CDC14B: variants seen among roughly 807,000 people sequenced by gnomAD.
CDC14B encodes the protein dual specificity protein phosphatase CDC14B.
CDC14B carries 22 observed loss-of-function variants against 64.2 expected under a neutral mutation model. That is an observed-to-expected ratio of 0.34 (90% CI 0.24 to 0.49). CDC14B has a LOEUF of 0.49. Among genes scored for constraint, CDC14B ranks in the 20% least tolerant of loss-of-function variants. CDC14B has a pLI of 0.99. For missense variants in CDC14B, 498 were observed against 629.9 expected (o/e 0.79, Z 2.24); for synonymous variants, 191 against 215.8 (o/e 0.89, Z 1.01).
intron 12 of CDC14B, among the ~76,000 whole-genome samples, chr9:96,520,525 G>A (rs747010360): frequency 2.0e-5 from 3 of 152,028 alleles, no homozygotes; most frequent in Admixed American, 6.6e-5. Flanking sequence ...TTGAACTCAC[G>A]TTAATGAGAG....
chr9:96,496,832 T>G (rs1472357267), downstream of CDC14B, among the ~76,000 whole-genome samples: 2 of 152,196 alleles, frequency 1.3e-5, no homozygotes, highest in East Asian at 3.9e-4. Flanking sequence ...GCGGCTTCTC[T>G]GTCCTGTGTA....
intron 5 of CDC14B, among the ~76,000 whole-genome samples, chr9:96,549,554 A>G (rs2132018762): frequency 6.6e-6 from 1 of 152,072 alleles, no homozygotes; most frequent in African/African-American, 2.4e-5. Flanking sequence ...AGTCCTAGCT[A>G]CTCGGGAGGC....
In CDC14B at chr9:96,508,825, G is replaced by A. The variant is rs1834531721; in HGVS notation, c.1460+848C>T. On this transcript the variant is annotated intron_variant, in intron 13 of 13. Transcript: ENST00000375241. The stretch of plus-strand genomic sequence containing the variant: ...CACTGATAAGGCCCCTAGGCCCAAA[G>A]CCTCGGATATACATGGCAGGGAAGC... Among the ~76,000 whole-genome samples the A allele has an allele frequency of 2.0e-5, 3 of 152,218 alleles. No homozygotes were observed. In the South Asian group the frequency reaches 6.2e-4, roughly 31 times the overall value.
At position 96,501,113 on chromosome 9, in the gene CDC14B, C is replaced by T. The variant is rs1374746974; in HGVS notation, c.*2640G>A. 1 of 152,278 alleles carries T rather than the reference C, an allele frequency of 6.6e-6. No individual in the cohort carries two copies. The highest frequency in any genetic ancestry group is 1.5e-5 in the Non-Finnish European group (1 of 68,090). 9.4% of individuals were successfully genotyped at this position (152,278 alleles called of 1,614,324 possible). On this transcript the variant is annotated 3_prime_UTR_variant, in exon 14 of 14. Transcript: ENST00000375241. ...TGGCCACGCCAGGCCATTCTGCTCT[C>T]ACGAGGCGCTGCTCCTCACCAAATT...
intron 4 of CDC14B, 50 bp downstream of exon 4, chr9:96,562,643 A>G (rs1482488490): frequency 8.7e-7 from 1 of 1,145,542 alleles, no homozygotes. Context: ...AATGTAAAGA[A>G]CCACTGTTGT....
intron 12 of CDC14B, among the ~76,000 whole-genome samples, chr9:96,518,149 TA>T (rs1337503817): frequency 6.6e-6 from 1 of 152,240 alleles, no homozygotes; most frequent in Non-Finnish European, 1.5e-5. Flanking sequence ...AGAGTACTGC[TA>T]ATCAATTTGG....
chr9:96,501,282 C>T lies in CDC14B; in HGVS notation c.*2471G>A, dbSNP rs2131218335. On this transcript the variant is annotated 3_prime_UTR_variant, in exon 14 of 14. Transcript: ENST00000375241. ...AAATATTCACTTCCAATTTTAATTC[C>T]ATCGCAAACCGTCCCAGTGTACTTT... 1 of 152,340 alleles carries T rather than the reference C, an allele frequency of 6.6e-6. No individual in the cohort carries two copies. Among genetic ancestry groups the T allele is most frequent in the African/African-American group, 2.4e-5 (1 of 41,574 alleles). 9.4% of individuals were successfully genotyped at this position (152,340 alleles called of 1,614,324 possible).
intron 1 of CDC14B, among the ~76,000 whole-genome samples, chr9:96,578,213 T>A (rs1290950879): frequency 6.6e-6 from 1 of 152,196 alleles, no homozygotes; most frequent in African/African-American, 2.4e-5. Context: ...TATGCATGAA[T>A]CCATACTGTC....
intron 4 of CDC14B, chr9:96,562,459 C>T: frequency 2.3e-6 from 1 of 438,200 alleles, no homozygotes; most frequent in Non-Finnish European, 4.1e-6. Flanking sequence ...GGCTTTTTTC[C>T]CGAGCAGTTT....
intron 4 of CDC14B, among the ~76,000 whole-genome samples, chr9:96,558,597 T>C (rs1238443959): frequency 6.6e-6 from 1 of 152,242 alleles, no homozygotes; most frequent in Admixed American, 6.5e-5. Context: ...ATTTTGTGTA[T>C]GACATTTTTA....
chr9:96,551,106 GTTTGCTTTTT>G (rs1841739393), intron 5 of CDC14B, among the ~76,000 whole-genome samples: 1 of 79,568 alleles, frequency 1.3e-5, no homozygotes, highest in African/African-American at 7.9e-5. Context: ...AGGTTTTGGG[GTTTGCTTTTT>G]TTTTTTTTTT....
chr9:96,515,793 C>A lies in CDC14B; in HGVS notation c.1344-6004G>T, dbSNP rs1346109163. The stretch of plus-strand genomic sequence containing the variant: ...AGAGGTCAGCACAGCTAGGGGACAT[C>A]TGGAAAGGGGTGAAGGGGAAAGAAC... On this transcript the variant is annotated intron_variant, in intron 12 of 13. Transcript: ENST00000375241. This position sits in a 1 kb window ranked among gnomAD's most constrained non-coding sequence, Gnocchi z 4.3. The A allele has an allele frequency of 1.3e-6, 2 of 1,591,010 alleles. No homozygotes were observed. The highest frequency in any genetic ancestry group is 4.5e-5 in the East Asian group (2 of 44,110).
At chr9:96,494,644 G>A (rs1412317105) in intron 13 of CDC14B, among the ~76,000 whole-genome samples, 1 of 152,172 alleles carries the variant, frequency 6.6e-6, no homozygotes, top group East Asian at 1.9e-4. Flanking sequence ...TACGCCTTGG[G>A]CCAATCAGTC....
chr9:96,554,885 A>C (rs940529053), intron 4 of CDC14B, among the ~76,000 whole-genome samples: 1 of 152,236 alleles, frequency 6.6e-6, no homozygotes, highest in Non-Finnish European at 1.5e-5. Flanking sequence ...CTCCTACATT[A>C]ACACAAATTC....
chr9:96,538,544 A>AC, intron 7 of CDC14B: 1 of 152,592 alleles, frequency 6.6e-6, no homozygotes, highest in South Asian at 2.1e-4. Context: ...ACAAAGTGAA[A>AC]CCCCATCTCT....
chr9:96,573,007 A>AC (rs151132193), intron 1 of CDC14B, among the ~76,000 whole-genome samples: 7,244 of 152,290 alleles, frequency 0.048, 587 homozygotes, highest in African/African-American at 0.16. Context: ...ATGACTGTCT[A>AC]CTAAAAAATA....
chr9:96,586,404 T>C (rs1845458445), intron 1 of CDC14B, among the ~76,000 whole-genome samples: 1 of 152,180 alleles, frequency 6.6e-6, no homozygotes, highest in Non-Finnish European at 1.5e-5. Flanking sequence ...AAATAGTAAT[T>C]GTATCCTTCT....
intron 12 of CDC14B, chr9:96,514,699 T>G (rs1302020160): frequency 1.0e-6 from 1 of 985,274 alleles, no homozygotes; most frequent in African/African-American, 1.7e-5. Context: ...ATTCTTAAAA[T>G]ATGAGTTAAG....
In CDC14B at chr9:96,515,141, T is replaced by C. The variant is rs900916294; in HGVS notation, c.1344-5352A>G. Among the ~76,000 whole-genome samples the C allele has an allele frequency of 1.3e-5, 2 of 152,220 alleles. No homozygotes were observed. Among genetic ancestry groups the C allele is most frequent in the Non-Finnish European group, 2.9e-5 (2 of 68,042 alleles). Reference sequence around the variant, plus strand: ...CTGCACACTAAAGAGAGAAGACTTATGAGAGAGCTGCTGTACAATGGCAGA... The same window carrying C: ...CTGCACACTAAAGAGAGAAGACTTACGAGAGAGCTGCTGTACAATGGCAGA... On this transcript the variant is annotated intron_variant, in intron 12 of 13. Transcript: ENST00000375241. The surrounding 1 kb of genome is among the most constrained non-coding windows in gnomAD (Gnocchi z 4.3).
Sources: gnomAD v4.1 joint callset for allele counts (sites outside exome capture counted in the v4.1 genomes callset) on GRCh38, gnomAD v4.1.1 for gene constraint, Gnocchi (gnomAD v3.1) non-coding constraint, MANE v1.5 for transcripts, NCBI Gene and HGNC (gene_info 2026-07-23, HGNC 2026-07-21) for gene names.